FSTL5: variants seen among roughly 807,000 people sequenced by gnomAD.
FSTL5 encodes the protein follistatin-related protein 5.
A neutral mutation model predicts 89.1 loss-of-function variants in FSTL5; 62 were observed. That is an observed-to-expected ratio of 0.70 (90% CI 0.57 to 0.86). The LOEUF (loss-of-function observed/expected upper bound fraction) is 0.86, where lower values mean the gene tolerates loss of function less well. FSTL5 is among the 40% of genes least tolerant of loss of function. FSTL5 has a pLI of 0.00. For missense variants in FSTL5, 1,057 were observed against 1,001.6 expected (o/e 1.06, Z -0.75); for synonymous variants, 383 against 346.2 (o/e 1.11, Z -1.18).
chr4:161,573,457 A>C (rs1170630065), intron 8 of FSTL5, among the ~76,000 whole-genome samples: 1 of 149,560 alleles, frequency 6.7e-6, no homozygotes, highest in East Asian at 2.0e-4. Flanking sequence ...AAGAAAATAA[A>C]GCCAGGAGCG....
chr4:161,586,025 C>T (rs550102234), intron 8 of FSTL5, among the ~76,000 whole-genome samples: 20 of 152,144 alleles, frequency 1.3e-4, no homozygotes, highest in Non-Finnish European at 2.8e-4. Flanking sequence ...TCCCCTGGAG[C>T]GTCAACAATA....
intron 5 of FSTL5, among the ~76,000 whole-genome samples, chr4:161,775,602 A>G (rs559961527): frequency 9.9e-5 from 15 of 152,210 alleles, no homozygotes; most frequent in African/African-American, 3.6e-4. Context: ...AAATTCTACA[A>G]GATAAAGAAC....
chr4:161,471,120 A>G (rs548407944), intron 13 of FSTL5, among the ~76,000 whole-genome samples: 30 of 152,362 alleles, frequency 2.0e-4, no homozygotes, highest in African/African-American at 7.2e-4. Context: ...TGTTAAGTAG[A>G]AGTGGCAAAA....
chr4:161,457,270 A>T (rs1270040950), intron 14 of FSTL5, among the ~76,000 whole-genome samples: 2 of 152,232 alleles, frequency 1.3e-5, no homozygotes, highest in Admixed American at 1.3e-4. Context: ...CTTCTTGTGT[A>T]TACCTTTTTA....
At chr4:161,431,149 T>C (rs1299065189) in intron 15 of FSTL5, among the ~76,000 whole-genome samples, 1 of 152,098 alleles carries the variant, frequency 6.6e-6, no homozygotes, top group Non-Finnish European at 1.5e-5. Context: ...CAGAAAAACA[T>C]AAAATTTGGT....
intron 6 of FSTL5, among the ~76,000 whole-genome samples, chr4:161,684,605 T>G (rs13129131): frequency 1.3e-5 from 2 of 151,948 alleles, no homozygotes; most frequent in East Asian, 1.9e-4. Flanking sequence ...AGCCCACTTT[T>G]TGATGTGATT....
chr4:162,105,645 T>A (rs916990491), intron 2 of FSTL5, among the ~76,000 whole-genome samples: 7 of 152,214 alleles, frequency 4.6e-5, no homozygotes, highest in African/African-American at 1.7e-4. Context: ...ATTATGAGAT[T>A]TATCAATAAT....
chr4:161,887,545 T>G (rs1308533144), intron 4 of FSTL5, among the ~76,000 whole-genome samples: 1 of 152,102 alleles, frequency 6.6e-6, no homozygotes, highest in Non-Finnish European at 1.5e-5. Context: ...TCAATGTTTC[T>G]CAGACATTTT....
intron 8 of FSTL5, among the ~76,000 whole-genome samples, chr4:161,551,585 A>G (rs1228846745): frequency 2.0e-5 from 3 of 152,114 alleles, no homozygotes; most frequent in South Asian, 4.1e-4. Flanking sequence ...ACTTCAAACT[A>G]TACTACAAGG....
intron 4 of FSTL5, among the ~76,000 whole-genome samples, chr4:161,904,141 GA>G (rs1335611068): frequency 6.6e-6 from 1 of 151,264 alleles, no homozygotes; most frequent in Non-Finnish European, 1.5e-5. Context: ...GTTTTTCTTA[GA>G]ATTCTCAGAT....
In FSTL5 at chr4:161,667,622, T is replaced by C. The variant is rs78553083; in HGVS notation, c.728-11128A>G. Among the ~76,000 whole-genome samples, 917 of 152,226 alleles carry C rather than the reference T, an allele frequency of 6.0e-3. 9 individuals carry two copies. The highest frequency in any genetic ancestry group is 0.045 in the South Asian group (218 of 4,826). On this transcript the variant is annotated intron_variant, in intron 6 of 15. Coordinates refer to ENST00000306100, the MANE Select transcript of FSTL5 (RefSeq NM_020116.5). Reference sequence around the variant, plus strand: ...AAAATAATTGTGAGTATTAACTGAATACATATCATTTGCTAAGGATTTTTC... The same window carrying C: ...AAAATAATTGTGAGTATTAACTGAACACATATCATTTGCTAAGGATTTTTC...
chr4:161,978,929 C>T (rs532984961), intron 3 of FSTL5, among the ~76,000 whole-genome samples: 16 of 152,116 alleles, frequency 1.1e-4, no homozygotes, highest in Non-Finnish European at 1.8e-4. Context: ...TAGTTTAAAC[C>T]GTAACTACAA....
chr4:162,035,903 T>C (rs995881678), intron 2 of FSTL5, among the ~76,000 whole-genome samples: 2 of 152,062 alleles, frequency 1.3e-5, no homozygotes, highest in African/African-American at 2.4e-5. Flanking sequence ...CAAAGATGAC[T>C]CCAAGGGTCT....
chr4:161,813,185 C>T (rs1730218277), intron 4 of FSTL5, among the ~76,000 whole-genome samples: 1 of 152,038 alleles, frequency 6.6e-6, no homozygotes, highest in Admixed American at 6.6e-5. Context: ...TGCTACCACA[C>T]GCGGCAATTT....
intron 7 of FSTL5, among the ~76,000 whole-genome samples, chr4:161,632,824 T>C (rs2126657863): frequency 6.6e-6 from 1 of 152,282 alleles, no homozygotes; most frequent in African/African-American, 2.4e-5. Flanking sequence ...GTTAAACTCT[T>C]AGAAAATAAA....
Position 161,459,262 on chromosome 4 carries a change from C to T in FSTL5, c.1666G>A (p.Val556Ile). 1 of 1,613,506 alleles carries T rather than the reference C, an allele frequency of 6.2e-7. No individual in the cohort carries two copies. The highest frequency in any genetic ancestry group is 8.5e-7 in the Non-Finnish European group (1 of 1,179,608). The change falls in exon 14 of 16, where the codon GTC (valine) becomes ATC (isoleucine). Residue 556 changes from valine to isoleucine, a missense_variant. This residue lies in a region of FSTL5 where 980 missense variants were observed against 903.2 expected (regional missense o/e 1.08). Transcript: ENST00000306100. ...KLHYDKSHDQ[V>I]WVLSWGTLEK... is the part of the protein sequence containing the mutation. ...AAGGTACCCCAGCTTAGCACCCAGA[C>T]CTGATCATGTGATTTGTCATAGTGT...
intron 4 of FSTL5, among the ~76,000 whole-genome samples, chr4:161,799,737 A>G (rs932536149): frequency 6.6e-6 from 1 of 151,634 alleles, no homozygotes; most frequent in Non-Finnish European, 1.5e-5. Flanking sequence ...TTCTTTCACA[A>G]AGGGGTAAAA....
intron 3 of FSTL5, among the ~76,000 whole-genome samples, chr4:161,935,486 T>C (rs993016317): frequency 6.6e-6 from 1 of 152,116 alleles, no homozygotes; most frequent in East Asian, 1.9e-4. Flanking sequence ...TTAGTGTTAA[T>C]TGAATGCACT....
intron 6 of FSTL5, among the ~76,000 whole-genome samples, chr4:161,742,104 T>A (rs941907005): frequency 1.3e-5 from 2 of 151,910 alleles, no homozygotes; most frequent in Non-Finnish European, 2.9e-5. Context: ...GCCTGTAGTT[T>A]GTGAGTAAAA....
Sources: allele counts gnomAD v4.1 joint callset (sites outside exome capture counted in the v4.1 genomes callset), GRCh38; gene constraint gnomAD v4.1.1; regional missense constraint gnomAD v4.1.1; transcripts MANE v1.5; gene names NCBI Gene and HGNC (gene_info 2026-07-23, HGNC 2026-07-21).